NTM: variants seen among roughly 807,000 people sequenced by gnomAD.
NTM encodes the protein IgLON family member 2.
Under a neutral mutation model 42.1 loss-of-function variants are expected in NTM, and 13 were observed. That is an observed-to-expected ratio of 0.31 (90% CI 0.20 to 0.49). The LOEUF (loss-of-function observed/expected upper bound fraction) is 0.49, where lower values mean the gene tolerates loss of function less well. Among genes scored for constraint, NTM ranks in the 20% least tolerant of loss-of-function variants. The pLI is 0.99. For missense variants in NTM, 373 were observed against 452.8 expected (o/e 0.82, Z 1.60); for synonymous variants, 187 against 179.2 (o/e 1.04, Z -0.35).
At chr11:132,130,363 A>G (rs1447997295) in intron 2 of NTM, among the ~76,000 whole-genome samples, 1 of 152,168 alleles carries the variant, frequency 6.6e-6, no homozygotes, top group African/African-American at 2.4e-5. Flanking sequence ...TGGAAAAAAA[A>G]AGGAAGGTAC....
chr11:131,964,732 C>T (rs1476121115), intron 2 of NTM, among the ~76,000 whole-genome samples: 4 of 152,094 alleles, frequency 2.6e-5, no homozygotes, highest in African/African-American at 9.7e-5. Flanking sequence ...GGTGAGGCTC[C>T]CTGGGTTGTG....
Position 132,070,666 on chromosome 11 carries a change from G to A in NTM, c.168-75616G>A, listed in dbSNP as rs555191982. ...CTGACCACCACAGGTTAGTTAACAC[G>A]TCACACAGCCAAGTTAACACGTCAA... On this transcript the variant is annotated intron_variant, in intron 2 of 8. Coordinates refer to ENST00000683400, the MANE Select transcript of NTM (RefSeq NM_001352005.2). Among the ~76,000 whole-genome samples, 19 of 132,266 alleles carry A rather than the reference G, an allele frequency of 1.4e-4. 2 individuals are homozygous for A. Among genetic ancestry groups the A allele is most frequent in the African/African-American group, 3.1e-4 (11 of 35,258 alleles). The allele number at this position is 132,266 out of a possible 152,430, so 86.8% of individuals were successfully genotyped here. A position where few individuals can be genotyped will look rare whatever the true frequency, so the allele number is the denominator to read the frequency against.
intron 4 of NTM, among the ~76,000 whole-genome samples, chr11:132,289,816 A>G (rs2094392547): frequency 6.6e-6 from 1 of 152,218 alleles, no homozygotes; most frequent in African/African-American, 2.4e-5. Flanking sequence ...ACCTCAGGGC[A>G]GGGTCGAGGG....
chr11:131,866,092 TGCACAC>T (rs1035324345), intron 1 of NTM, among the ~76,000 whole-genome samples: 10 of 144,706 alleles, frequency 6.9e-5, no homozygotes, highest in African/African-American at 2.5e-4. Context: ...ACATGCTACA[TGCACAC>T]ACACACACAT....
At chr11:131,965,345 C>A (rs1434707593) in intron 2 of NTM, among the ~76,000 whole-genome samples, 2 of 151,886 alleles carry the variant, frequency 1.3e-5, no homozygotes, top group African/African-American at 4.8e-5. Flanking sequence ...GGAAAGCAGA[C>A]AAGGAAATAA....
At chr11:131,642,783 T>C (rs2065290058) in intron 1 of NTM, among the ~76,000 whole-genome samples, 1 of 152,184 alleles carries the variant, frequency 6.6e-6, no homozygotes, top group Non-Finnish European at 1.5e-5. Context: ...CACTATTTTT[T>C]TCATTACTAC....
intron 4 of NTM, among the ~76,000 whole-genome samples, chr11:132,247,401 A>G (rs2091334393): frequency 6.6e-6 from 1 of 152,230 alleles, no homozygotes; most frequent in African/African-American, 2.4e-5. Flanking sequence ...TGGGGATCAT[A>G]ACTTCCTCAG....
intron 2 of NTM, among the ~76,000 whole-genome samples, chr11:131,987,308 A>C (rs1329227566): frequency 2.6e-5 from 4 of 152,202 alleles, no homozygotes. Flanking sequence ...ACACACATGC[A>C]CACTCCCACA....
intron 1 of NTM, among the ~76,000 whole-genome samples, chr11:131,557,587 C>T (rs2055615796): frequency 6.6e-6 from 1 of 152,150 alleles, no homozygotes; most frequent in Non-Finnish European, 1.5e-5. Flanking sequence ...ACCTGGAAGA[C>T]ACATTTTTAA....
intron 1 of NTM, among the ~76,000 whole-genome samples, chr11:131,473,542 GC>G (rs1249909569): frequency 3.3e-5 from 5 of 152,150 alleles, no homozygotes; most frequent in Non-Finnish European, 7.3e-5. Flanking sequence ...GGATAAGCAG[GC>G]TTTCAATAAT....
At chr11:132,192,019 T>C (rs2079396782) in intron 3 of NTM, among the ~76,000 whole-genome samples, 1 of 152,076 alleles carries the variant, frequency 6.6e-6, no homozygotes, top group African/African-American at 2.4e-5. Context: ...TGGGATTCTG[T>C]AAAGAGACCA....
intron 2 of NTM, among the ~76,000 whole-genome samples, chr11:132,134,749 A>G (rs113378460): frequency 2.8e-5 from 3 of 106,938 alleles, no homozygotes; most frequent in African/African-American, 7.4e-5. Flanking sequence ...ATATATATAT[A>G]TATATATATA....
intron 2 of NTM, among the ~76,000 whole-genome samples, chr11:131,915,950 A>G (rs905186192): frequency 6.6e-6 from 1 of 152,120 alleles, no homozygotes; most frequent in Non-Finnish European, 1.5e-5. Flanking sequence ...ACACAGCCAG[A>G]CCATATCAGG....
At chr11:132,009,253 C>T (rs1193808571) in intron 2 of NTM, among the ~76,000 whole-genome samples, 2 of 152,214 alleles carry the variant, frequency 1.3e-5, no homozygotes, top group Non-Finnish European at 2.9e-5. Flanking sequence ...TTAATTCCTG[C>T]CACCCAGGGA....
chr11:132,052,854 A>G (rs927061742), intron 2 of NTM, among the ~76,000 whole-genome samples: 5 of 151,602 alleles, frequency 3.3e-5, no homozygotes, highest in African/African-American at 7.3e-5. Context: ...ATATTTCTCA[A>G]TTATGTCAAA....
At chr11:132,101,247 T>C (rs1460903641) in intron 2 of NTM, among the ~76,000 whole-genome samples, 3 of 152,148 alleles carry the variant, frequency 2.0e-5, no homozygotes, top group Non-Finnish European at 4.4e-5. Context: ...GCAGAGAGGC[T>C]GCTCACTTAG....
At chr11:131,755,638 G>C (rs2083233426) in intron 1 of NTM, among the ~76,000 whole-genome samples, 1 of 152,162 alleles carries the variant, frequency 6.6e-6, no homozygotes, top group Admixed American at 6.5e-5. Flanking sequence ...AACTTTTCCA[G>C]CATGGTGTAT....
chr11:132,143,213 G>C (rs559601520), intron 2 of NTM, among the ~76,000 whole-genome samples: 1 of 152,132 alleles, frequency 6.6e-6, no homozygotes, highest in Non-Finnish European at 1.5e-5. Flanking sequence ...GGAAACACAC[G>C]TCTAGGTTAG....
intron 2 of NTM, among the ~76,000 whole-genome samples, chr11:132,103,933 G>A (rs2061943119): frequency 6.6e-6 from 1 of 152,186 alleles, no homozygotes; most frequent in Admixed American, 6.5e-5. Flanking sequence ...AGCAGACCTA[G>A]GCATAGCACC....
Sources: allele counts gnomAD v4.1 joint callset (sites outside exome capture counted in the v4.1 genomes callset), GRCh38; gene constraint gnomAD v4.1.1; transcripts MANE v1.5; gene names NCBI Gene and HGNC (gene_info 2026-07-23, HGNC 2026-07-21).